Variants in MCM5 observed in about 807,000 individuals in gnomAD.
MCM5 encodes minichromosome maintenance complex component 5.
Under a neutral mutation model 79.9 loss-of-function variants are expected in MCM5, and 46 were observed. The observed-to-expected ratio is 0.58, with a 90% confidence interval of 0.45 to 0.74. MCM5 has a LOEUF of 0.74. Among genes scored for constraint, MCM5 ranks in the 30% least tolerant of loss-of-function variants. The pLI is 0.00. For missense variants in MCM5, 883 were observed against 1,017.0 expected (o/e 0.87, Z 1.79); for synonymous variants, 404 against 390.5 (o/e 1.03, Z -0.41).
intron 9 of MCM5, among the ~76,000 whole-genome samples, chr22:35,415,427 G>A (rs1932512761): frequency 6.6e-6 from 1 of 151,986 alleles, no homozygotes; most frequent in African/African-American, 2.4e-5. Context: ...TGGCGTGTAG[G>A]TCTATATAGA....
At chr22:35,435,297 CAG>C in the MCM5 span, among the ~76,000 whole-genome samples, 1 of 152,178 alleles carries the variant, frequency 6.6e-6, no homozygotes, top group Non-Finnish European at 1.5e-5. Context: ...ACCTCTGTCT[CAG>C]AACCCCAGGG....
At chr22:35,452,746 C>G in the MCM5 span, among the ~76,000 whole-genome samples, 1 of 152,136 alleles carries the variant, frequency 6.6e-6, no homozygotes, top group Non-Finnish European at 1.5e-5. Flanking sequence ...GGTGGTGGTG[C>G]CAGTGTGGCC....
chr22:35,453,819 T>TATATATATATAGAGAGAGAGAGAGAGAG, the MCM5 span, among the ~76,000 whole-genome samples: 2 of 81,546 alleles, frequency 2.5e-5, no homozygotes, highest in East Asian at 6.8e-4. Context: ...TATATATATA[T>TATATATATATAGAGAGAGAGAGAGAGAG]AGAGAGAGAG....
intron 13 of MCM5, among the ~76,000 whole-genome samples, chr22:35,419,612 G>A (rs954295762): frequency 1.3e-5 from 2 of 152,194 alleles, no homozygotes; most frequent in East Asian, 1.9e-4. Context: ...GGGAAGAGGC[G>A]GTTTTCACCC....
the MCM5 span, among the ~76,000 whole-genome samples, chr22:35,437,635 CAG>C: frequency 3.3e-5 from 5 of 152,156 alleles, no homozygotes; most frequent in Non-Finnish European, 7.3e-5. Flanking sequence ...TCCTGACTAT[CAG>C]AGAGGAGATG....
chr22:35,448,273 C>T, the MCM5 span, among the ~76,000 whole-genome samples: 444 of 152,232 alleles, frequency 2.9e-3, 1 homozygote, highest in Middle Eastern at 0.017. Context: ...GCCTGGCCTA[C>T]GGGAAGGCGA....
At chr22:35,431,089 G>C in the MCM5 span, among the ~76,000 whole-genome samples, 1 of 152,140 alleles carries the variant, frequency 6.6e-6, no homozygotes, top group Admixed American at 6.5e-5. Flanking sequence ...GGGACTTCCC[G>C]GCCTCCTACC....
chr22:35,413,287 G>A (rs924671891), intron 8 of MCM5, among the ~76,000 whole-genome samples: 4 of 152,142 alleles, frequency 2.6e-5, no homozygotes, highest in South Asian at 2.1e-4. Context: ...CTCGTGATCC[G>A]CCCGCCTCGG....
chr22:35,424,109 C>A (rs746894245), intron 16 of MCM5, 45 bp from the exon 17 acceptor site: 8 of 1,328,096 alleles, frequency 6.0e-6, no homozygotes, highest in South Asian at 5.1e-5. Flanking sequence ...CTGTCGGAGT[C>A]CCCTCGGGCA....
the MCM5 span, among the ~76,000 whole-genome samples, chr22:35,437,551 T>G: frequency 1.3e-4 from 20 of 152,312 alleles, no homozygotes; most frequent in South Asian, 4.1e-3. Flanking sequence ...GCTTTGTGAA[T>G]TTCTTTGTAT....
chr22:35,441,716 T>C, the MCM5 span, among the ~76,000 whole-genome samples: 2 of 151,984 alleles, frequency 1.3e-5, no homozygotes, highest in Non-Finnish European at 2.9e-5. Context: ...CAGGGAAGGC[T>C]CCCTGGAAGA....
chr22:35,434,409 A>G, the MCM5 span, among the ~76,000 whole-genome samples: 2 of 152,154 alleles, frequency 1.3e-5, no homozygotes, highest in African/African-American at 4.8e-5. Context: ...CCTCTCTGCC[A>G]AGAAAGAGCT....
At chr22:35,409,906 C>T (rs972243181) in intron 6 of MCM5, 1 of 152,218 alleles carries the variant, frequency 6.6e-6, no homozygotes, top group Non-Finnish European at 1.5e-5. Context: ...GTGTTTAGCA[C>T]AATTCCTTCA....
At chr22:35,448,208 A>G in the MCM5 span, among the ~76,000 whole-genome samples, 11 of 152,166 alleles carry the variant, frequency 7.2e-5, no homozygotes, top group African/African-American at 2.7e-4. Context: ...GAATGATCAA[A>G]GCGCCTGCCT....
At chr22:35,408,655 C>G in intron 6 of MCM5, 92 bp downstream of exon 6, 2 of 1,425,938 alleles carry the variant, frequency 1.4e-6, no homozygotes, top group Non-Finnish European at 1.9e-6. Context: ...TCATCTGGAG[C>G]AGGGTGAGTA....
downstream of MCM5, among the ~76,000 whole-genome samples, chr22:35,426,876 G>A (rs1018156567): frequency 2.0e-5 from 3 of 152,098 alleles, no homozygotes; most frequent in Non-Finnish European, 4.4e-5. Flanking sequence ...TCTCAACTTC[G>A]CTCACCACTA....
chr22:35,412,643 G>A lies in MCM5; in HGVS notation c.1053G>A (p.Lys351=). ...PSIFGGTDMK[K]AIACLLFGGS... ...TCTTTGGGGGCACAGACATGAAGAA[G>A]GCCATTGCCTGCCTGCTCTTTGGGG... Residue 351 remains lysine, a synonymous_variant, in exon 8 of 17, where the codon AAG becomes AAA. Transcript: ENST00000216122. 1 of 1,542,688 alleles carries A rather than the reference G, an allele frequency of 6.5e-7. No individual in the cohort carries two copies. Among genetic ancestry groups the A allele is most frequent in the South Asian group, 1.2e-5 (1 of 82,944 alleles).
rs754157671 is a variant in MCM5, at chr22:35,411,025, A to G, written c.919+115A>G. ...AGCCCAGGATGTCCTTGTGTTGCTC[A>G]TATCATTAGAACGTTCATTTTTATA... is the stretch of plus-strand genomic sequence containing the variant. On this transcript the variant is annotated intron_variant, in intron 7 of 16. Transcript: ENST00000216122. The G allele has an allele frequency of 7.3e-5, 66 of 899,582 alleles. 1 individual carries two copies. In the South Asian group the frequency reaches 1.2e-3, roughly 16 times the overall value. The allele number at this position is 899,582 out of a possible 1,614,324, so 55.7% of individuals were successfully genotyped here. A position where few individuals can be genotyped will look rare whatever the true frequency, so the allele number is the denominator to read the frequency against.
intron 15 of MCM5, 79 bp from the exon 16 acceptor site, chr22:35,423,135 C>T: frequency 6.9e-7 from 1 of 1,448,594 alleles, no homozygotes; most frequent in Non-Finnish European, 9.2e-7. Flanking sequence ...GGCTGTTCTT[C>T]CTTGGGCTAG....
Sources: allele counts gnomAD v4.1 joint callset (sites outside exome capture counted in the v4.1 genomes callset), GRCh38; gene constraint gnomAD v4.1.1; transcripts MANE v1.5; gene names NCBI Gene and HGNC (gene_info 2026-07-23, HGNC 2026-07-21).